The following TLK1 variants were observed in gnomAD, a reference collection of about 807,000 sequenced individuals.
The protein encoded by TLK1 is tousled like kinase 1, also known as serine/threonine-protein kinase tousled-like 1.
In TLK1, 24 loss-of-function variants were observed where a neutral mutation model predicts 105.3. That is an observed-to-expected ratio of 0.23 (90% CI 0.17 to 0.32). The LOEUF (loss-of-function observed/expected upper bound fraction) is 0.32, where lower values mean the gene tolerates loss of function less well. Among genes scored for constraint, TLK1 ranks in the 10% least tolerant of loss-of-function variants. The pLI is 1.00. For synonymous variants in TLK1, 321 were observed against 310.4 expected (o/e 1.03, Z -0.36); for missense variants, 558 against 910.5 (o/e 0.61, Z 4.98).
chr2:171,006,062 T>A (rs555744449), intron 18 of TLK1, 85 bp downstream of exon 18: 1 of 1,323,088 alleles, frequency 7.6e-7, no homozygotes, highest in Non-Finnish European at 1.0e-6. Flanking sequence ...AATGGCTACA[T>A]GGAAATAAAA....
intron 1 of TLK1, among the ~76,000 whole-genome samples, chr2:171,184,789 G>A (rs1037505985): frequency 1.3e-5 from 2 of 151,962 alleles, no homozygotes; most frequent in Admixed American, 6.6e-5. Context: ...ACTCTATCCT[G>A]ATCCATTTAT....
intron 11 of TLK1, among the ~76,000 whole-genome samples, chr2:171,033,242 A>C (rs1200846699): frequency 1.3e-5 from 2 of 152,172 alleles, no homozygotes; most frequent in African/African-American, 4.8e-5. Flanking sequence ...AAGATAACAC[A>C]GGGGTAAATC....
At chr2:171,084,776 C>T (rs1688897970) in intron 2 of TLK1, among the ~76,000 whole-genome samples, 1 of 152,016 alleles carries the variant, frequency 6.6e-6, no homozygotes, top group Non-Finnish European at 1.5e-5. Flanking sequence ...GGACTCAAGA[C>T]ATGAAACAAC....
At chr2:171,180,971 G>A (rs972517365) in intron 1 of TLK1, among the ~76,000 whole-genome samples, 1 of 152,064 alleles carries the variant, frequency 6.6e-6, no homozygotes, top group Non-Finnish European at 1.5e-5. Flanking sequence ...GATAATAATG[G>A]TTGAGGAGTT....
intron 1 of TLK1, among the ~76,000 whole-genome samples, chr2:171,224,483 G>T (rs1486005459): frequency 6.6e-6 from 1 of 151,872 alleles, no homozygotes; most frequent in Non-Finnish European, 1.5e-5. Flanking sequence ...TTTTGATAGG[G>T]ATTGCATTGA....
chr2:170,999,900 A>G (rs1274341326), intron 18 of TLK1, among the ~76,000 whole-genome samples: 5 of 152,024 alleles, frequency 3.3e-5, no homozygotes, highest in Non-Finnish European at 5.9e-5. Flanking sequence ...CTGGGACCAC[A>G]GGCACACACC....
At chr2:170,994,549 A>AC (rs1683960212) in intron 20 of TLK1, among the ~76,000 whole-genome samples, 1 of 151,946 alleles carries the variant, frequency 6.6e-6, no homozygotes, top group African/African-American at 2.4e-5. Flanking sequence ...AAAAAAAAAA[A>AC]AAACCTTTCC....
chr2:171,011,980 A>G (rs1341720630), intron 13 of TLK1, among the ~76,000 whole-genome samples: 2 of 152,114 alleles, frequency 1.3e-5, no homozygotes, highest in East Asian at 3.9e-4. Context: ...TACTACTACT[A>G]TTACTACTTA....
intron 1 of TLK1, among the ~76,000 whole-genome samples, chr2:171,139,734 T>C (rs554025617): frequency 2.0e-3 from 299 of 150,986 alleles, no homozygotes; most frequent in Non-Finnish European, 3.5e-3. Flanking sequence ...ATTCAAACTC[T>C]GTATATAACC....
chr2:171,022,086 A>AACACACACACACACACACAC (rs557803785), intron 12 of TLK1, among the ~76,000 whole-genome samples: 26 of 103,104 alleles, frequency 2.5e-4, no homozygotes, highest in African/African-American at 6.0e-4. Context: ...CTGGGCGAAA[A>AACACACACACACACACACAC]ACACACACAC....
intron 2 of TLK1, among the ~76,000 whole-genome samples, chr2:171,099,627 A>G (rs1260485677): frequency 6.6e-6 from 1 of 152,206 alleles, no homozygotes; most frequent in Non-Finnish European, 1.5e-5. Flanking sequence ...ATATTAACCA[A>G]CACAGTGTGG....
intron 2 of TLK1, among the ~76,000 whole-genome samples, chr2:171,106,398 C>T (rs987927402): frequency 6.6e-6 from 1 of 152,076 alleles, no homozygotes; most frequent in Non-Finnish European, 1.5e-5. Context: ...TGCTAATTAC[C>T]CTGATCTGAT....
chr2:171,209,752 G>A (rs78365978), intron 1 of TLK1, among the ~76,000 whole-genome samples: 3 of 152,266 alleles, frequency 2.0e-5, no homozygotes, highest in East Asian at 3.9e-4. Flanking sequence ...TATGTACGAA[G>A]TGAAGACCAT....
intron 1 of TLK1, among the ~76,000 whole-genome samples, chr2:171,148,833 T>C (rs964502910): frequency 2.0e-5 from 3 of 147,778 alleles, no homozygotes; most frequent in African/African-American, 2.5e-5. Flanking sequence ...TGAGCCGAGA[T>C]CGTGCCACTA....
At chr2:171,184,886 T>C (rs1257979585) in intron 1 of TLK1, among the ~76,000 whole-genome samples, 1 of 152,122 alleles carries the variant, frequency 6.6e-6, no homozygotes, top group Non-Finnish European at 1.5e-5. Flanking sequence ...TCACCCAGGC[T>C]GGAGTGCAGT....
At chr2:171,204,153 G>C (rs1355270639) in intron 1 of TLK1, among the ~76,000 whole-genome samples, 2 of 152,172 alleles carry the variant, frequency 1.3e-5, no homozygotes, top group Non-Finnish European at 2.9e-5. Context: ...CTTGTGATTA[G>C]ATCAGAATTT....
chr2:171,002,468 G>A (rs1684425688), intron 18 of TLK1, among the ~76,000 whole-genome samples: 1 of 151,936 alleles, frequency 6.6e-6, no homozygotes, highest in South Asian at 2.1e-4. Context: ...TAGAGACGGG[G>A]TTTCACCGTG....
chr2:171,096,569 C>A (rs1689462152), intron 2 of TLK1, among the ~76,000 whole-genome samples: 1 of 151,860 alleles, frequency 6.6e-6, no homozygotes, highest in Non-Finnish European at 1.5e-5. Flanking sequence ...CCAGCCTGGC[C>A]AACACAGTGA....
At chr2:171,181,710 C>A (rs753363818) in intron 1 of TLK1, among the ~76,000 whole-genome samples, 3 of 152,122 alleles carry the variant, frequency 2.0e-5, no homozygotes, top group Non-Finnish European at 2.9e-5. Context: ...AGAGCAATAA[C>A]CTATTCCTCT....
Sources: allele counts gnomAD v4.1 joint callset (sites outside exome capture counted in the v4.1 genomes callset), GRCh38; gene constraint gnomAD v4.1.1; transcripts MANE v1.5; gene names NCBI Gene and HGNC (gene_info 2026-07-23, HGNC 2026-07-21).